Variants in TLN2 observed in about 807,000 individuals in gnomAD.
TLN2 encodes the protein talin-2.
In TLN2, 118 loss-of-function variants were observed where a neutral mutation model predicts 294.7. The ratio of observed to expected loss-of-function variants is 0.40; its 90% confidence interval spans 0.34 to 0.47. The LOEUF is 0.47. Ranked by LOEUF, TLN2 falls within the 20% of genes least tolerant of loss-of-function variation. The pLI, the probability that TLN2 is intolerant of heterozygous loss-of-function variation, is 0.84. For missense variants in TLN2, 3,083 were observed against 3,282.2 expected, an observed-to-expected ratio of 0.94 and a Z score of 1.48; for synonymous variants, 1,431 against 1,304.5, an observed-to-expected ratio of 1.10 and a Z score of -2.09.
intron 46 of TLN2, among the ~76,000 whole-genome samples, chr15:62,795,833 A>T (rs2065436757): frequency 6.6e-6 from 1 of 152,188 alleles, no homozygotes; most frequent in Non-Finnish European, 1.5e-5. Context: ...GACACTTTAC[A>T]GATATTTTTC....
intron 3 of TLN2, among the ~76,000 whole-genome samples, chr15:62,634,597 A>G (rs1002614371): frequency 1.3e-5 from 2 of 152,210 alleles, no homozygotes; most frequent in African/African-American, 4.8e-5. Flanking sequence ...CCAGGCTGCA[A>G]TTTGATTTGT....
intron 1 of TLN2, among the ~76,000 whole-genome samples, chr15:62,455,470 C>T (rs1410258911): frequency 3.3e-5 from 5 of 152,082 alleles, no homozygotes; most frequent in South Asian, 4.2e-4. Flanking sequence ...ACTGGGGCAC[C>T]GCAATGTATG....
rs1342754788 is a variant in TLN2, at chr15:62,844,219, G to A, written c.*3609G>A. 1 of 152,286 alleles carries A rather than the reference G, an allele frequency of 6.6e-6. No homozygotes were observed. Among genetic ancestry groups the A allele is most frequent in the Non-Finnish European group, 1.5e-5 (1 of 68,194 alleles). The allele number at this position is 152,286 out of a possible 1,614,324, so 9.4% of individuals were successfully genotyped here. A position where few individuals can be genotyped will look rare whatever the true frequency, so the allele number is the denominator to read the frequency against. On this transcript the variant is annotated 3_prime_UTR_variant, in exon 59 of 59. Transcript: ENST00000636159. ...TCCCAAAGGTATCCCCAAGTACCATGTTGAAAATGTCCTCAGTCTGTTGCT... is the reference window on the plus strand; with the variant it reads ...TCCCAAAGGTATCCCCAAGTACCATATTGAAAATGTCCTCAGTCTGTTGCT...
intron 1 of TLN2, among the ~76,000 whole-genome samples, chr15:62,427,499 G>C (rs908183044): frequency 6.6e-6 from 1 of 152,108 alleles, no homozygotes; most frequent in Admixed American, 6.5e-5. Context: ...AACGGGAGGA[G>C]GGGGCGAGGG....
At chr15:62,700,879 AC>A (rs978404813) in intron 16 of TLN2, among the ~76,000 whole-genome samples, 3 of 152,188 alleles carry the variant, frequency 2.0e-5, no homozygotes, top group African/African-American at 7.2e-5. Context: ...AACACAAACA[AC>A]ATAATTAACA....
intron 1 of TLN2, among the ~76,000 whole-genome samples, chr15:62,491,341 T>G (rs865927731): frequency 0.019 from 1,876 of 101,270 alleles, 46 homozygotes; most frequent in African/African-American, 0.064. Context: ...AAAAAAAATA[T>G]ATATATATAT....
rs115280597 is a variant in TLN2, at chr15:62,582,305, T to G, written c.-237-7382T>G. Among the ~76,000 whole-genome samples the G allele has an allele frequency of 6.7e-3, 1,006 of 150,842 alleles. 18 individuals carry two copies. Among genetic ancestry groups the G allele is most frequent in the African/African-American group, 0.023 (957 of 41,008 alleles). On this transcript the variant is annotated intron_variant, in intron 1 of 58. Transcript: ENST00000636159. ...TGTACCCCAGTTTTTTGGGGCCCCC[T>G]GTGTCTGCCCCAGTTTCTTGGAGTC...
At chr15:62,451,586 G>A (rs1274342746) in intron 1 of TLN2, among the ~76,000 whole-genome samples, 1 of 152,182 alleles carries the variant, frequency 6.6e-6, no homozygotes, top group East Asian at 1.9e-4. Flanking sequence ...AAACCCAGAG[G>A]CGGAGGTTGC....
intron 45 of TLN2, among the ~76,000 whole-genome samples, chr15:62,790,022 C>A (rs1403876410): frequency 6.6e-6 from 1 of 152,146 alleles, no homozygotes; most frequent in African/African-American, 2.4e-5. Context: ...TGATCTCAGG[C>A]TGCTGCTGCT....
At chr15:62,836,164 C>T (rs779692909) in intron 57 of TLN2, 91 bp downstream of exon 57, 3 of 1,508,608 alleles carry the variant, frequency 2.0e-6, no homozygotes, top group Non-Finnish European at 1.8e-6. Flanking sequence ...TGGCATGACC[C>T]ACCAGGCCTT....
At chr15:62,424,435 A>G (rs954021057) in intron 1 of TLN2, among the ~76,000 whole-genome samples, 3 of 152,140 alleles carry the variant, frequency 2.0e-5, no homozygotes, top group Non-Finnish European at 4.4e-5. Flanking sequence ...GTAGGGAAGG[A>G]TGGCTCTGGT....
intron 1 of TLN2, among the ~76,000 whole-genome samples, chr15:62,517,348 C>T (rs1376713199): frequency 6.6e-6 from 1 of 152,126 alleles, no homozygotes; most frequent in Non-Finnish European, 1.5e-5. Context: ...ATTTGTTGTA[C>T]TTGGAATAAA....
At chr15:62,610,565 A>T (rs2047836445) in intron 2 of TLN2, among the ~76,000 whole-genome samples, 1 of 152,226 alleles carries the variant, frequency 6.6e-6, no homozygotes, top group Non-Finnish European at 1.5e-5. Context: ...TTTAGGGGCC[A>T]TTTTAAACAG....
intron 1 of TLN2, among the ~76,000 whole-genome samples, chr15:62,572,362 T>A (rs1397039882): frequency 2.0e-5 from 3 of 152,038 alleles, no homozygotes; most frequent in Admixed American, 6.6e-5. Flanking sequence ...CACCTCAGCC[T>A]CCTGAGTAGC....
In TLN2 at chr15:62,686,818, G is replaced by GGA. The variant is rs767415744; in HGVS notation, c.1113+26_1113+27dup. ...ACTGGTAGGGACTGGCAGAGGGCAA[G>GGA]GAGAGCACTAGCGTGGCCTTGAGTG... On this transcript the variant is annotated intron_variant, in intron 12 of 58. Transcript: ENST00000636159. 6.0e-5 allele frequency: 96 copies of GGA among 1,611,486 alleles called. No homozygotes were observed. In the South Asian group the frequency reaches 1.0e-3, roughly 17 times the overall value.
intron 48 of TLN2, among the ~76,000 whole-genome samples, chr15:62,798,750 G>A (rs955416900): frequency 3.3e-5 from 5 of 152,176 alleles, no homozygotes; most frequent in South Asian, 2.1e-4. Flanking sequence ...GTTCCCTCAC[G>A]GCATGACACT....
chr15:62,526,606 T>C (rs2040753918), intron 1 of TLN2, among the ~76,000 whole-genome samples: 2 of 152,196 alleles, frequency 1.3e-5, no homozygotes, highest in Non-Finnish European at 2.9e-5. Context: ...AGAGACATTC[T>C]CTGCTGGGCA....
At chr15:62,640,297 G>T (rs759329262) in intron 3 of TLN2, 1 of 455,926 alleles carries the variant, frequency 2.2e-6, no homozygotes, top group Non-Finnish European at 4.4e-6. Flanking sequence ...ATGAATTATA[G>T]CAAGTACAGC....
At position 62,655,990 on chromosome 15, in the gene TLN2, T is replaced by C. The variant is rs748030275; in HGVS notation, c.564T>C (p.Asp188=). The change falls in exon 8 of 59, where the codon GAT becomes GAC. Residue 188 remains aspartate (D), a synonymous_variant. Transcript: ENST00000636159. The stretch of plus-strand genomic sequence containing the variant: ...GAACATTCAGAGAACAAGGAGTAGA[T>C]GAAAACGAAACGTTGCTGCTTAGAC... ...HSRTFREQGV[D]ENETLLLRRK... is the part of the protein sequence containing the mutation. 1.2e-6 allele frequency: 2 copies of C among 1,614,186 alleles called. No individual in the cohort carries two copies. Among genetic ancestry groups the C allele is most frequent in the East Asian group, 2.2e-5 (1 of 44,876 alleles).
Sources: allele counts gnomAD v4.1 joint callset (sites outside exome capture counted in the v4.1 genomes callset), GRCh38; gene constraint gnomAD v4.1.1; transcripts MANE v1.5; gene names NCBI Gene and HGNC (gene_info 2026-07-23, HGNC 2026-07-21).